The following NRG3 variants were observed in gnomAD, a reference collection of about 807,000 sequenced individuals.
NRG3 encodes the protein neuregulin 3.
A neutral mutation model predicts 66.9 loss-of-function variants in NRG3; 31 were observed. That is an observed-to-expected ratio of 0.46 (90% CI 0.35 to 0.63). NRG3 has a LOEUF of 0.63. Ranked by LOEUF, NRG3 falls within the 20% of genes least tolerant of loss-of-function variation. The pLI is 0.00. For synonymous variants in NRG3, 393 were observed against 359.4 expected, an observed-to-expected ratio of 1.09 and a Z score of -1.06; for missense variants, 910 against 878.9, an observed-to-expected ratio of 1.04 and a Z score of -0.45.
At chr10:82,818,074 G>A (rs2061789232) in intron 3 of NRG3, among the ~76,000 whole-genome samples, 1 of 152,256 alleles carries the variant, frequency 6.6e-6, no homozygotes, top group African/African-American at 2.4e-5. Context: ...CCACGCATGG[G>A]CTGTTGGCTA....
chr10:81,878,987 A>T lies in NRG3; in HGVS notation c.823+2824A>T, dbSNP rs1841941399. Among the ~76,000 whole-genome samples, 4 of 152,208 alleles carry T rather than the reference A, an allele frequency of 2.6e-5. No homozygotes were observed. In the South Asian group the frequency reaches 8.3e-4, roughly 32 times the overall value. The stretch of plus-strand genomic sequence containing the variant: ...TTTTCAAGCAAAAGCTGTTTTTGCT[A>T]TGGGAAAGGCCCAGTTAGAGAACTG... On this transcript the variant is annotated intron_variant, in intron 1 of 8. Coordinates refer to ENST00000372141, the MANE Select transcript of NRG3 (RefSeq NM_001010848.4).
intron 1 of NRG3, among the ~76,000 whole-genome samples, chr10:82,224,798 C>G (rs777839763): frequency 1.3e-5 from 2 of 152,044 alleles, no homozygotes; most frequent in African/African-American, 2.4e-5. Context: ...AATAGCTATT[C>G]ATCATAAGCA....
chr10:82,578,133 C>A (rs2046141942), intron 2 of NRG3, among the ~76,000 whole-genome samples: 1 of 151,222 alleles, frequency 6.6e-6, no homozygotes, highest in South Asian at 2.1e-4. Context: ...ATATTTAATT[C>A]ATTAACGCAA....
intron 1 of NRG3, among the ~76,000 whole-genome samples, chr10:82,157,632 A>T (rs139486269): frequency 8.6e-4 from 130 of 151,722 alleles, no homozygotes; most frequent in Admixed American, 1.3e-3. Flanking sequence ...TCTGTAAGGG[A>T]GAAATGGAAT....
At chr10:82,035,290 C>G (rs1296844083) in intron 1 of NRG3, among the ~76,000 whole-genome samples, 1 of 152,124 alleles carries the variant, frequency 6.6e-6, no homozygotes, top group Non-Finnish European at 1.5e-5. Context: ...CATACGAAAA[C>G]ATGGATTTAT....
chr10:82,699,479 G>C (rs2055675310), intron 2 of NRG3, among the ~76,000 whole-genome samples: 1 of 152,184 alleles, frequency 6.6e-6, no homozygotes, highest in African/African-American at 2.4e-5. Context: ...GTCCAAAATT[G>C]TAGCTGCATC....
At chr10:81,950,773 A>G (rs554101008) in intron 1 of NRG3, among the ~76,000 whole-genome samples, 1 of 152,326 alleles carries the variant, frequency 6.6e-6, no homozygotes, top group East Asian at 1.9e-4. Context: ...CTGTCCCCCA[A>G]CACAGCTATA....
chr10:82,760,061 C>T (rs893160156), intron 3 of NRG3, among the ~76,000 whole-genome samples: 5 of 152,068 alleles, frequency 3.3e-5, no homozygotes, highest in Non-Finnish European at 7.4e-5. Flanking sequence ...TTAGGGTAAC[C>T]TCCTGGATAC....
At chr10:82,319,355 A>T (rs2081442832) in intron 1 of NRG3, among the ~76,000 whole-genome samples, 1 of 152,210 alleles carries the variant, frequency 6.6e-6, no homozygotes, top group African/African-American at 2.4e-5. Context: ...TCAGATCTTT[A>T]TATGAAAATA....
intron 1 of NRG3, among the ~76,000 whole-genome samples, chr10:82,327,316 A>AGG (rs1279512987): frequency 1.3e-5 from 2 of 152,294 alleles, no homozygotes; most frequent in South Asian, 4.1e-4. Flanking sequence ...GTACTACTGG[A>AGG]CATGGTACCA....
intron 2 of NRG3, among the ~76,000 whole-genome samples, chr10:82,410,358 G>C (rs913677986): frequency 1.3e-5 from 2 of 151,690 alleles, no homozygotes; most frequent in African/African-American, 2.4e-5. Context: ...AAAATACATG[G>C]AGGGATGCCA....
intron 2 of NRG3, among the ~76,000 whole-genome samples, chr10:82,709,389 T>C (rs1255817942): frequency 6.6e-6 from 1 of 151,854 alleles, no homozygotes; most frequent in Non-Finnish European, 1.5e-5. Flanking sequence ...GTTTGTTTGT[T>C]TGTTTGTTTT....
At chr10:82,844,103 T>C (rs1302121711) in intron 3 of NRG3, among the ~76,000 whole-genome samples, 1 of 152,158 alleles carries the variant, frequency 6.6e-6, no homozygotes, top group Admixed American at 6.6e-5. Flanking sequence ...TAAATGAAAT[T>C]CCTGCATATT....
chr10:82,456,794 A>T (rs926030198), intron 2 of NRG3, among the ~76,000 whole-genome samples: 6 of 152,118 alleles, frequency 3.9e-5, no homozygotes, highest in African/African-American at 1.4e-4. Flanking sequence ...AGCAAGCCTC[A>T]TTGTCTCCTG....
At position 82,566,413 on chromosome 10, in the gene NRG3, G is replaced by A. The variant is rs147969257; in HGVS notation, c.954-172164G>A. Among the ~76,000 whole-genome samples the A allele has an allele frequency of 3.8e-3, 585 of 151,994 alleles. 2 individuals carry two copies. The highest frequency in any genetic ancestry group is 7.9e-3 in the Admixed American group (120 of 15,204). ...GAATAGCACACGTGTGATATCTTAG[G>A]TGTTGGACCACCTGAGAAGTAAAGG... On this transcript the variant is annotated intron_variant, in intron 2 of 8. Coordinates refer to ENST00000372141, the MANE Select transcript of NRG3 (RefSeq NM_001010848.4).
chr10:82,131,686 T>G (rs1393711826), intron 1 of NRG3, among the ~76,000 whole-genome samples: 1 of 152,102 alleles, frequency 6.6e-6, no homozygotes, highest in African/African-American at 2.4e-5. Context: ...ATATCTTTAT[T>G]TTTTGTTCTC....
chr10:82,293,270 C>A (rs2134635340), intron 1 of NRG3, among the ~76,000 whole-genome samples: 1 of 152,016 alleles, frequency 6.6e-6, no homozygotes, highest in Middle Eastern at 3.4e-3. Context: ...GCAGACACTG[C>A]AAAAATGACC....
At chr10:82,116,220 T>A (rs74144154) in intron 1 of NRG3, among the ~76,000 whole-genome samples, 1 of 151,384 alleles carries the variant, frequency 6.6e-6, no homozygotes, top group African/African-American at 2.5e-5. Context: ...ATTTTGTCCC[T>A]TATACTTTGA....
chr10:82,984,773 T>C (rs1203768026), intron 8 of NRG3: 2 of 1,551,728 alleles, frequency 1.3e-6, no homozygotes, highest in African/African-American at 1.4e-5. Flanking sequence ...CCATTTACTT[T>C]GTATTCTAGG....
Sources: gnomAD v4.1 joint callset for allele counts (sites outside exome capture counted in the v4.1 genomes callset) on GRCh38, gnomAD v4.1.1 for gene constraint, MANE v1.5 for transcripts, NCBI Gene and HGNC (gene_info 2026-07-23, HGNC 2026-07-21) for gene names.